The following MBNL1 variants were observed in gnomAD, a reference collection of about 807,000 sequenced individuals.
The protein encoded by MBNL1 is muscleblind-like protein 1.
In MBNL1, 8 loss-of-function variants were observed where a neutral mutation model predicts 42.2. The ratio of observed to expected loss-of-function variants is 0.19; its 90% CI spans 0.11 to 0.34. The LOEUF (loss-of-function observed/expected upper bound fraction) is 0.34. Among genes scored for constraint, MBNL1 ranks in the 10% least tolerant of loss-of-function variants. The pLI, the probability that MBNL1 is intolerant of heterozygous loss-of-function variation, is 1.00. For missense variants in MBNL1, 309 were observed against 495.3 expected (o/e 0.62, Z 3.57); for synonymous variants, 169 against 173.9 (o/e 0.97, Z 0.22).
chr3:152,356,372 C>T (rs920776134), intron 2 of MBNL1, among the ~76,000 whole-genome samples: 3 of 152,080 alleles, frequency 2.0e-5, no homozygotes, highest in African/African-American at 7.2e-5. Context: ...TAAAATGTAT[C>T]GACCAGAATC....
At chr3:152,394,422 C>T (rs536677041) in intron 2 of MBNL1, among the ~76,000 whole-genome samples, 7 of 152,218 alleles carry the variant, frequency 4.6e-5, no homozygotes, top group African/African-American at 1.7e-4. Flanking sequence ...TTTGTTTATA[C>T]GGTACATATG....
At chr3:152,367,246 C>G (rs2096437559) in intron 2 of MBNL1, among the ~76,000 whole-genome samples, 1 of 130,828 alleles carries the variant, frequency 7.6e-6, no homozygotes, top group Non-Finnish European at 1.5e-5. Context: ...TCTCATTGTT[C>G]AACTCCCACT....
chr3:152,340,957 A>G (rs1458790441), intron 2 of MBNL1: 1 of 1,510,000 alleles, frequency 6.6e-7, no homozygotes, highest in Non-Finnish European at 8.8e-7. Flanking sequence ...CTGCACCTAT[A>G]CCACTTTCCT....
At position 152,300,142 on chromosome 3, in the gene MBNL1, G is replaced by A; in HGVS notation, c.-52G>A. 8.0e-7 allele frequency: 1 copy of A among 1,246,482 alleles called. No individual in the cohort carries two copies. 77.2% of individuals were successfully genotyped at this position (1,246,482 alleles called of 1,614,324 possible). ...TTTGGTTGTTGCTCTTTTTTGGGGG[G>A]GTTGGGTTTGTTGGTTTCACTGAAA... On this transcript the variant is annotated 5_prime_UTR_variant, in exon 2 of 10. Coordinates refer to ENST00000324210, the MANE Select transcript of MBNL1 (RefSeq NM_021038.5).
intron 3 of MBNL1, among the ~76,000 whole-genome samples, chr3:152,425,533 G>A (rs1329054140): frequency 6.6e-6 from 1 of 151,956 alleles, no homozygotes; most frequent in African/African-American, 2.4e-5. Context: ...GCTTGAACCT[G>A]GGAGGCGGAG....
At chr3:152,336,728 T>G (rs926093794) in intron 2 of MBNL1, among the ~76,000 whole-genome samples, 1 of 152,182 alleles carries the variant, frequency 6.6e-6, no homozygotes, top group African/African-American at 2.4e-5. Context: ...TTGATAGCTT[T>G]TATTTCCTGT....
chr3:152,374,606 G>A (rs2096820931), intron 2 of MBNL1, among the ~76,000 whole-genome samples: 1 of 152,156 alleles, frequency 6.6e-6, no homozygotes, highest in Non-Finnish European at 1.5e-5. Flanking sequence ...TGAAAAATGG[G>A]CAGCATACGA....
chr3:152,385,963 T>C (rs1220746564), intron 2 of MBNL1, among the ~76,000 whole-genome samples: 1 of 152,056 alleles, frequency 6.6e-6, no homozygotes, highest in Non-Finnish European at 1.5e-5. Flanking sequence ...GTCAGGAACA[T>C]TCAGTGATGT....
intron 2 of MBNL1, among the ~76,000 whole-genome samples, chr3:152,371,179 G>GT (rs1285163294): frequency 2.6e-5 from 4 of 152,186 alleles, no homozygotes; most frequent in African/African-American, 9.7e-5. Context: ...AGAAGATCTT[G>GT]TAAGGCAGGA....
chr3:152,318,832 T>A (rs551036140), intron 2 of MBNL1, among the ~76,000 whole-genome samples: 1 of 152,288 alleles, frequency 6.6e-6, no homozygotes, highest in South Asian at 2.1e-4. Context: ...AAAAAGACAC[T>A]CTACAGGCAT....
intron 1 of MBNL1, among the ~76,000 whole-genome samples, chr3:152,276,791 T>A (rs1426384): frequency 0.31 from 47,714 of 151,960 alleles, 7,823 homozygotes; most frequent in East Asian, 0.53. Context: ...TTTAGGGTAG[T>A]AACCTTACAG....
At chr3:152,416,843 A>G (rs2098710454) in intron 3 of MBNL1, among the ~76,000 whole-genome samples, 1 of 152,236 alleles carries the variant, frequency 6.6e-6, no homozygotes, top group African/African-American at 2.4e-5. Context: ...AAATCACTAA[A>G]TCACAGATTT....
At chr3:152,337,857 TA>T (rs1356296323) in intron 2 of MBNL1, among the ~76,000 whole-genome samples, 6 of 152,196 alleles carry the variant, frequency 3.9e-5, no homozygotes, top group African/African-American at 1.4e-4. Context: ...TTGTACTTAC[TA>T]AAAACAATTT....
intron 2 of MBNL1, among the ~76,000 whole-genome samples, chr3:152,408,773 C>T (rs57010547): frequency 0.04 from 6,053 of 151,940 alleles, 402 homozygotes; most frequent in African/African-American, 0.14. Flanking sequence ...CTCCTCCCCG[C>T]CAAGACATGT....
At chr3:152,293,172 A>G (rs904496201) in intron 1 of MBNL1, among the ~76,000 whole-genome samples, 1 of 152,178 alleles carries the variant, frequency 6.6e-6, no homozygotes, top group Non-Finnish European at 1.5e-5. Context: ...TGTTAAAATT[A>G]TGTTGTTTGT....
At chr3:152,428,892 C>A (rs1460439588) in intron 3 of MBNL1, among the ~76,000 whole-genome samples, 1 of 152,212 alleles carries the variant, frequency 6.6e-6, no homozygotes, top group African/African-American at 2.4e-5. Flanking sequence ...GACACATAAT[C>A]TTTGTGATCC....
intron 2 of MBNL1, among the ~76,000 whole-genome samples, chr3:152,326,165 T>G (rs1325314192): frequency 6.6e-6 from 1 of 152,212 alleles, no homozygotes; most frequent in South Asian, 2.1e-4. Context: ...TGTTCAACTT[T>G]TCCTGATTGT....
chr3:152,355,485 A>G (rs768559385), intron 2 of MBNL1, among the ~76,000 whole-genome samples: 7 of 152,188 alleles, frequency 4.6e-5, no homozygotes, highest in African/African-American at 1.7e-4. Context: ...TTGGTTTATT[A>G]CTGTGTATTT....
At chr3:152,378,191 A>G (rs1209931474) in intron 2 of MBNL1, among the ~76,000 whole-genome samples, 1 of 152,108 alleles carries the variant, frequency 6.6e-6, no homozygotes, top group African/African-American at 2.4e-5. Flanking sequence ...AAACAAAACA[A>G]AAAAACAATT....
Sources: allele counts gnomAD v4.1 joint callset (sites outside exome capture counted in the v4.1 genomes callset), GRCh38; gene constraint gnomAD v4.1.1; transcripts MANE v1.5; gene names NCBI Gene and HGNC (gene_info 2026-07-23, HGNC 2026-07-21).